Variants in RTCA observed in about 807,000 individuals in gnomAD.
The protein encoded by RTCA is RNA terminal phosphate cyclase domain 1.
RTCA carries 37 observed loss-of-function variants against 46.1 expected under a neutral mutation model. The ratio of observed to expected loss-of-function variants is 0.80; its 90% CI spans 0.62 to 1.06. The LOEUF (loss-of-function observed/expected upper bound fraction) is 1.06. Among genes scored for constraint, RTCA ranks in the 50% least tolerant of loss-of-function variants. The pLI is 0.00. For missense variants in RTCA, 435 were observed against 455.5 expected (o/e 0.95, Z 0.41); for synonymous variants, 164 against 158.3 (o/e 1.04, Z -0.27).
At chr1:100,272,376 G>A (rs1666147061) in intron 4 of RTCA, among the ~76,000 whole-genome samples, 1 of 152,118 alleles carries the variant, frequency 6.6e-6, no homozygotes, top group Non-Finnish European at 1.5e-5. Flanking sequence ...GATCTCTTGA[G>A]CTTAAGCTGG....
In RTCA at chr1:100,274,960, T is replaced by C; in HGVS notation, c.610T>C (p.Phe204Leu). 1 of 1,605,026 alleles carries C rather than the reference T, an allele frequency of 6.2e-7. No homozygotes were observed. Among genetic ancestry groups the C allele is most frequent in the Non-Finnish European group, 8.5e-7 (1 of 1,173,530 alleles). Reference sequence around the variant, plus strand: ...AGCTTTCGTTGCTGGTGTTTTGCCATTTAAAGTAAGTTGTTTAGATGTTCT... The same window carrying C: ...AGCTTTCGTTGCTGGTGTTTTGCCACTTAAAGTAAGTTGTTTAGATGTTCT... ...GRAFVAGVLP[F>L]KVAKDMAAAA... is the part of the protein sequence containing the mutation. The change falls in exon 6 of 11, where the codon TTT becomes CTT. Residue 204 changes from phenylalanine to leucine, a missense_variant. Transcript: ENST00000370128.
chr1:100,282,150 A>T (rs1666741371), intron 8 of RTCA, among the ~76,000 whole-genome samples: 1 of 152,250 alleles, frequency 6.6e-6, no homozygotes, highest in Admixed American at 6.5e-5. Context: ...TATAATACTA[A>T]TAAGCAAGAT....
chr1:100,277,862 T>A (rs1666485847), intron 8 of RTCA, among the ~76,000 whole-genome samples: 1 of 151,866 alleles, frequency 6.6e-6, no homozygotes, highest in African/African-American at 2.4e-5. Flanking sequence ...TAATACACAA[T>A]CCTCCCATTA....
chr1:100,270,051 A>G (rs984207130), intron 3 of RTCA, among the ~76,000 whole-genome samples: 4 of 152,222 alleles, frequency 2.6e-5, no homozygotes, highest in African/African-American at 7.2e-5. Context: ...ATATTATTCT[A>G]TCATATCATG....
intron 4 of RTCA, among the ~76,000 whole-genome samples, chr1:100,272,070 A>G (rs764778836): frequency 2.6e-5 from 4 of 152,208 alleles, no homozygotes; most frequent in Admixed American, 2.6e-4. Flanking sequence ...CCATTCATCT[A>G]TTGAAGGGCA....
chr1:100,272,565 G>A (rs527890543), intron 4 of RTCA, among the ~76,000 whole-genome samples: 3 of 152,120 alleles, frequency 2.0e-5, no homozygotes, highest in East Asian at 1.9e-4. Flanking sequence ...TATACCTCCT[G>A]GATACATAGG....
intron 10 of RTCA, among the ~76,000 whole-genome samples, chr1:100,290,696 G>A (rs115135282): frequency 0.036 from 5,450 of 152,264 alleles, 109 homozygotes; most frequent in Non-Finnish European, 0.049. Context: ...AACCCAGGAA[G>A]TTGAGGCTGC....
rs932425441 is a variant in RTCA, at chr1:100,292,394, C to T, written c.*890C>T. 1 of 152,238 alleles carries T rather than the reference C, an allele frequency of 6.6e-6. No homozygotes were observed. The highest frequency in any genetic ancestry group is 2.4e-5 in the African/African-American group (1 of 41,412). 9.4% of individuals were successfully genotyped at this position (152,238 alleles called of 1,614,324 possible). A position where few individuals can be genotyped will look rare whatever the true frequency, so the allele number is the denominator to read the frequency against. On this transcript the variant is annotated 3_prime_UTR_variant, in exon 11 of 11. Transcript: ENST00000370128. The stretch of plus-strand genomic sequence containing the variant: ...CTCAGCTCACTGCAACCTCCGCCTT[C>T]CAGGTTGAAGTGATTCTCCAGCCTC...
chr1:100,290,987 A>T (rs533386197), intron 10 of RTCA, among the ~76,000 whole-genome samples: 27 of 152,312 alleles, frequency 1.8e-4, no homozygotes, highest in African/African-American at 6.0e-4. Flanking sequence ...AAATGTAAAG[A>T]AATTAAAGGG....
chr1:100,268,059 T>G (rs1216468547), intron 2 of RTCA, 93 bp from the exon 3 acceptor site: 2 of 1,548,994 alleles, frequency 1.3e-6, no homozygotes, highest in East Asian at 4.5e-5. Context: ...CCTTGCTGTT[T>G]TCTTGCCATT....
At position 100,268,168 on chromosome 1, in the gene RTCA, G is replaced by T. The variant is rs777606224; in HGVS notation, c.163G>T (p.Gly55Ter). 2 of 1,614,152 alleles carry T rather than the reference G, an allele frequency of 1.2e-6. No homozygotes were observed. The stretch of plus-strand genomic sequence containing the variant: ...GACCTGAAGGCCTCAACATTTATCT[G>T]GACTGGAAATGATTCGAGATTTGTG... The part of the protein sequence containing the change: ...TPGLRPQHLS[G>*]LEMIRDLCDG... Residue 55 changes from glycine (G) to a stop codon, truncating the protein, a stop_gained, in exon 3 of 11, where the codon GGA becomes TGA. Coordinates refer to ENST00000370128, the MANE Select transcript of RTCA (RefSeq NM_003729.4). LOFTEE classifies it high-confidence loss of function.
At chr1:100,283,631 T>C (rs1666844541) in intron 8 of RTCA, among the ~76,000 whole-genome samples, 1 of 152,126 alleles carries the variant, frequency 6.6e-6, no homozygotes, top group Non-Finnish European at 1.5e-5. Flanking sequence ...CTTTGCAGCA[T>C]AATTATTATC....
chr1:100,281,831 C>T lies in RTCA; in HGVS notation c.800-3397C>T, dbSNP rs1002252070. Reference sequence around the variant, plus strand: ...TCCTGTGTTCAAGCAATCCTCCCACCGCAGCCTCCCAAGTAGCTGGGATTA... The same window carrying T: ...TCCTGTGTTCAAGCAATCCTCCCACTGCAGCCTCCCAAGTAGCTGGGATTA... On this transcript the variant is annotated intron_variant, in intron 8 of 10. Coordinates refer to ENST00000370128, the MANE Select transcript of RTCA (RefSeq NM_003729.4). Among the ~76,000 whole-genome samples, 10 of 152,110 alleles carry T rather than the reference C, an allele frequency of 6.6e-5. No homozygotes were observed. The East Asian group carries it at 7.7e-4, about 12-fold the overall frequency.
In RTCA at chr1:100,266,607, G is replaced by C. The variant is rs775736830; in HGVS notation, c.129G>C (p.Arg43=). The C allele has an allele frequency of 6.2e-6, 10 of 1,613,018 alleles. No homozygotes were observed. The highest frequency in any genetic ancestry group is 1.3e-5 in the African/African-American group (1 of 75,002). Residue 43 remains arginine (R), a synonymous_variant, in exon 2 of 11, where the codon CGG becomes CGC. Coordinates refer to ENST00000370128, the MANE Select transcript of RTCA (RefSeq NM_003729.4). ...PLRVQKIRAG[R]STPGLRPQHL... The stretch of plus-strand genomic sequence containing the variant: ...GGGTGCAGAAGATCCGAGCCGGCCG[G>C]AGCACGCCAGGCCTGAGGTAAATCT...
At chr1:100,272,450 G>T (rs1222849926) in intron 4 of RTCA, among the ~76,000 whole-genome samples, 1 of 151,936 alleles carries the variant, frequency 6.6e-6, no homozygotes, top group Non-Finnish European at 1.5e-5. Flanking sequence ...CAAATAGAGG[G>T]TTCCAGCTGT....
At position 100,275,668 on chromosome 1, in the gene RTCA, A is replaced by G; in HGVS notation, c.685A>G (p.Ile229Val). 1 of 1,612,580 alleles carries G rather than the reference A, an allele frequency of 6.2e-7. No homozygotes were observed. The highest frequency in any genetic ancestry group is 1.3e-5 in the African/African-American group (1 of 75,030). ...GGAGATCCGGGATTTGTATGTTAAC[A>G]TCCAGCCTGTTCAAGAACCTAAAGA... is the stretch of plus-strand genomic sequence containing the variant. ...RKEIRDLYVNIQPVQEPKDQA... is the reference protein window; with the variant it reads ...RKEIRDLYVNVQPVQEPKDQA... Residue 229 changes from isoleucine (I) to valine (V), a missense_variant, in exon 7 of 11, where the codon ATC becomes GTC. By Grantham distance (29) the Ile-to-Val change is conservative. Coordinates refer to ENST00000370128, the MANE Select transcript of RTCA (RefSeq NM_003729.4).
At chr1:100,267,322 A>T in intron 2 of RTCA, 1 of 549,046 alleles carries the variant, frequency 1.8e-6, no homozygotes, top group Non-Finnish European at 2.9e-6. Flanking sequence ...AATTACCAAA[A>T]GGCAATTACT....
At chr1:100,283,956 A>AG (rs1666882806) in intron 8 of RTCA, among the ~76,000 whole-genome samples, 1 of 58,060 alleles carries the variant, frequency 1.7e-5, no homozygotes, top group Admixed American at 2.3e-4. Flanking sequence ...AAAAGAAAAA[A>AG]CAAGAAAAAA....
intron 10 of RTCA, 25 bp downstream of exon 10, chr1:100,287,228 A>G: frequency 6.7e-7 from 1 of 1,492,482 alleles, no homozygotes; most frequent in Non-Finnish European, 9.0e-7. Context: ...AGAAAGGGAA[A>G]TTGATATTTT....
Sources: gnomAD v4.1 joint callset for allele counts (sites outside exome capture counted in the v4.1 genomes callset) on GRCh38, gnomAD v4.1.1 for gene constraint, MANE v1.5 for transcripts, NCBI Gene and HGNC (gene_info 2026-07-23, HGNC 2026-07-21) for gene names.